ZPLD1: variants seen among roughly 807,000 people sequenced by gnomAD.
ZPLD1 encodes the protein zona pellucida-like domain-containing protein 1.
ZPLD1 carries 34 observed loss-of-function variants against 47.2 expected under a neutral mutation model. The ratio of observed to expected loss-of-function variants is 0.72; its 90% CI spans 0.55 to 0.96. The LOEUF is 0.96. Ranked by LOEUF, ZPLD1 falls within the 40% of genes least tolerant of loss-of-function variation. The pLI, the probability that ZPLD1 is intolerant of heterozygous loss-of-function variation, is 0.00. For missense variants in ZPLD1, 512 were observed against 505.8 expected (o/e 1.01, Z -0.12); for synonymous variants, 176 against 186.2 (o/e 0.95, Z 0.45).
At chr3:102,408,444 C>T (rs116691924) in intron 7 of ZPLD1, among the ~76,000 whole-genome samples, 190 of 151,774 alleles carry the variant, frequency 1.3e-3, no homozygotes, top group Non-Finnish European at 2.4e-3. Context: ...GAAACATTAG[C>T]CATTAAGTTA....
intron 7 of ZPLD1, among the ~76,000 whole-genome samples, chr3:102,412,945 G>A (rs939059018): frequency 1.3e-5 from 2 of 151,568 alleles, no homozygotes; most frequent in African/African-American, 4.8e-5. Flanking sequence ...TTATATGGCC[G>A]CTATCATTAT....
chr3:102,392,284 T>C (rs1472003437), intron 7 of ZPLD1: 1 of 152,154 alleles, frequency 6.6e-6, no homozygotes, highest in Non-Finnish European at 1.5e-5. Context: ...CTACCACCAC[T>C]GTGTTAATAC....
chr3:102,421,351 CT>C (rs2107306577), intron 8 of ZPLD1, among the ~76,000 whole-genome samples: 1 of 151,744 alleles, frequency 6.6e-6, no homozygotes, highest in South Asian at 2.1e-4. Context: ...TTGTGACCAA[CT>C]TTTCTATTTC....
chr3:102,425,196 C>G (rs562674146), intron 8 of ZPLD1, among the ~76,000 whole-genome samples: 2 of 152,194 alleles, frequency 1.3e-5, no homozygotes, highest in Admixed American at 6.5e-5. Context: ...CCAAACTAAA[C>G]AGCTATTGTC....
Position 102,453,084 on chromosome 3 carries a change from T to C in ZPLD1, c.272T>C (p.Val91Ala), listed in dbSNP as rs890336066. The part of the protein sequence containing the change: ...GFINNNTFPA[V>A]VIFIINLSTL... ...ATCAATAACAACACCTTTCCAGCAG[T>C]GGTCATTTTTATCATCAATCTCAGC... Residue 91 changes from valine (V) to alanine (A), a missense_variant, in exon 4 of 12, where the codon GTG becomes GCG. Transcript: ENST00000466937. 6 of 1,614,118 alleles carry C rather than the reference T, an allele frequency of 3.7e-6. No individual in the cohort carries two copies. Among genetic ancestry groups the C allele is most frequent in the African/African-American group, 2.7e-5 (2 of 75,040 alleles).
chr3:102,476,508 A>G (rs113895979), intron 10 of ZPLD1, among the ~76,000 whole-genome samples: 220 of 152,278 alleles, frequency 1.4e-3, no homozygotes, highest in African/African-American at 4.9e-3. Flanking sequence ...GTGTAAATTT[A>G]TCTTCTTGGA....
chr3:102,473,032 G>T (rs944927686), intron 10 of ZPLD1, among the ~76,000 whole-genome samples: 1 of 152,116 alleles, frequency 6.6e-6, no homozygotes, highest in Non-Finnish European at 1.5e-5. Flanking sequence ...AGGCAAGAGG[G>T]CATGTGCAGA....
intron 7 of ZPLD1, among the ~76,000 whole-genome samples, chr3:102,410,458 G>T (rs1576130538): frequency 6.6e-6 from 1 of 151,588 alleles, no homozygotes; most frequent in Admixed American, 6.6e-5. Flanking sequence ...CCATAGAAGT[G>T]CTGTTTTCAA....
chr3:102,425,179 G>A (rs1365986945), intron 8 of ZPLD1, among the ~76,000 whole-genome samples: 1 of 152,120 alleles, frequency 6.6e-6, no homozygotes, highest in Non-Finnish European at 1.5e-5. Context: ...ACTGACCAAG[G>A]AATAGACCAA....
At chr3:102,441,014 T>A (rs1707168859) in intron 3 of ZPLD1, among the ~76,000 whole-genome samples, 1 of 152,106 alleles carries the variant, frequency 6.6e-6, no homozygotes. Context: ...AAAGCCACAG[T>A]TGGAGAAGGT....
At chr3:102,424,869 A>G (rs902781546) in intron 8 of ZPLD1, among the ~76,000 whole-genome samples, 1 of 152,208 alleles carries the variant, frequency 6.6e-6, no homozygotes, top group Non-Finnish European at 1.5e-5. Flanking sequence ...ATTAACCAAT[A>G]TTCTAGCACA....
chr3:102,459,260 A>G (rs968893793), intron 6 of ZPLD1, among the ~76,000 whole-genome samples: 2 of 152,170 alleles, frequency 1.3e-5, no homozygotes, highest in Non-Finnish European at 1.5e-5. Context: ...GTTAATTTAT[A>G]TGCATAAGCT....
intron 9 of ZPLD1, among the ~76,000 whole-genome samples, chr3:102,469,732 C>T (rs1707652568): frequency 6.6e-6 from 1 of 152,022 alleles, no homozygotes; most frequent in Non-Finnish European, 1.5e-5. Flanking sequence ...TAGATTGTGG[C>T]CAGATGGTCG....
chr3:102,399,353 G>A (rs1293922825), intron 7 of ZPLD1, among the ~76,000 whole-genome samples: 2 of 151,944 alleles, frequency 1.3e-5, no homozygotes, highest in African/African-American at 2.4e-5. Flanking sequence ...AGTCTTCATC[G>A]CCTCTCATTC....
intron 3 of ZPLD1, among the ~76,000 whole-genome samples, chr3:102,451,049 G>C (rs1449349265): frequency 6.6e-6 from 1 of 152,016 alleles, no homozygotes; most frequent in Non-Finnish European, 1.5e-5. Context: ...CTAGCCGTTT[G>C]CCTTTTGGCC....
rs78457274 is a variant in ZPLD1, at chr3:102,460,914, G to T, written c.583-1367G>T. Among the ~76,000 whole-genome samples, 931 of 151,646 alleles carry T rather than the reference G, an allele frequency of 6.1e-3. 9 individuals carry two copies. Among genetic ancestry groups the T allele is most frequent in the African/African-American group, 0.021 (877 of 41,408 alleles). ...TTATTTGGAGAAGTTGGAAAAGGGA[G>T]CCTGAAAGATAATCACATAAAAATA... On this transcript the variant is annotated intron_variant, in intron 6 of 11. Transcript: ENST00000466937.
At chr3:102,470,023 G>A (rs1473258245) in intron 9 of ZPLD1, among the ~76,000 whole-genome samples, 1 of 152,180 alleles carries the variant, frequency 6.6e-6, no homozygotes, top group East Asian at 1.9e-4. Flanking sequence ...ATGACAGATG[G>A]GGGTAAATGG....
intron 7 of ZPLD1, among the ~76,000 whole-genome samples, chr3:102,406,674 T>G (rs1706691048): frequency 6.6e-6 from 1 of 151,942 alleles, no homozygotes; most frequent in Admixed American, 6.6e-5. Flanking sequence ...GTTAGAACTT[T>G]AAAAATACCT....
At chr3:102,431,734 C>T (rs1183527185), upstream of ZPLD1, among the ~76,000 whole-genome samples, 1 of 152,116 alleles carries the variant, frequency 6.6e-6, no homozygotes, top group Non-Finnish European at 1.5e-5. Context: ...CATGGTGAAA[C>T]CCCGTCTCTA....
Sources: gnomAD v4.1 joint callset for allele counts (sites outside exome capture counted in the v4.1 genomes callset) on GRCh38, gnomAD v4.1.1 for gene constraint, MANE v1.5 for transcripts, NCBI Gene and HGNC (gene_info 2026-07-23, HGNC 2026-07-21) for gene names.